Variants in EBF2 observed in about 807,000 individuals in gnomAD.
The protein encoded by EBF2 is transcription factor COE2.
EBF2 carries 21 observed loss-of-function variants against 72.8 expected under a neutral mutation model. The ratio of observed to expected loss-of-function variants is 0.29; its 90% CI spans 0.20 to 0.42. The LOEUF is 0.42. EBF2 is among the 10% of genes least tolerant of loss of function. The pLI, the probability that EBF2 is intolerant of heterozygous loss-of-function variation, is 1.00. For missense variants in EBF2, 637 were observed against 731.2 expected (o/e 0.87, Z 1.49); for synonymous variants, 299 against 274.2 (o/e 1.09, Z -0.89).
At chr8:25,933,359 C>G (rs1021559841) in intron 6 of EBF2, among the ~76,000 whole-genome samples, 6 of 152,152 alleles carry the variant, frequency 3.9e-5, no homozygotes, top group Admixed American at 3.3e-4. Flanking sequence ...ATTAATTAGA[C>G]ATGCTGCCAC....
At chr8:25,958,163 TGA>T (rs1803978968) in intron 6 of EBF2, among the ~76,000 whole-genome samples, 1 of 152,200 alleles carries the variant, frequency 6.6e-6, no homozygotes, top group African/African-American at 2.4e-5. Flanking sequence ...CTGCAGTTCC[TGA>T]GCAGATTCCA....
At chr8:25,932,007 C>G (rs181059927) in intron 6 of EBF2, among the ~76,000 whole-genome samples, 1 of 152,198 alleles carries the variant, frequency 6.6e-6, no homozygotes, top group Admixed American at 6.5e-5. Flanking sequence ...ATCTTGCTAG[C>G]AAGGCATTCT....
chr8:26,013,771 C>T (rs925922476), intron 6 of EBF2, among the ~76,000 whole-genome samples: 2 of 152,064 alleles, frequency 1.3e-5, no homozygotes, highest in East Asian at 1.9e-4. Context: ...AAAACCTTGT[C>T]GATATGAAAT....
chr8:26,004,130 G>A (rs1480382951), intron 6 of EBF2, among the ~76,000 whole-genome samples: 2 of 151,686 alleles, frequency 1.3e-5, no homozygotes, highest in Non-Finnish European at 2.9e-5. Flanking sequence ...AAAAAAAAAG[G>A]ATTAAAACTA....
chr8:25,870,855 A>G (rs925242496), intron 10 of EBF2, among the ~76,000 whole-genome samples: 2 of 152,142 alleles, frequency 1.3e-5, no homozygotes, highest in African/African-American at 4.8e-5. Flanking sequence ...GGCATAAACT[A>G]TGGGATACAT....
At chr8:25,940,484 T>C (rs1362503658) in intron 6 of EBF2, among the ~76,000 whole-genome samples, 1 of 152,122 alleles carries the variant, frequency 6.6e-6, no homozygotes, top group Non-Finnish European at 1.5e-5. Context: ...TCACTTAGTC[T>C]TAGTTATTTC....
At position 25,862,796 on chromosome 8, in the gene EBF2, T is replaced by C; in HGVS notation, c.1011A>G (p.Ala337=). The change falls in exon 11 of 16, where the codon GCA becomes GCG. Residue 337 remains alanine, a splice_region_variant and synonymous_variant. Transcript: ENST00000520164. ...KGAPGRFIYT[A]LNEPTIDYGF... is the part of the protein sequence containing the mutation. ...CATAGTCTATGGTGGGTTCATTTAA[T>C]GCTGAAAGAGAAAAGTCCTCTTTCT... 6.3e-7 allele frequency: 1 copy of C among 1,581,962 alleles called. No individual in the cohort carries two copies. The highest frequency in any genetic ancestry group is 8.6e-7 in the Non-Finnish European group (1 of 1,163,626).
chr8:26,014,017 A>G (rs1337118213), intron 6 of EBF2, among the ~76,000 whole-genome samples: 1 of 152,222 alleles, frequency 6.6e-6, no homozygotes, highest in Non-Finnish European at 1.5e-5. Context: ...GTCTGTTTCC[A>G]ACAATTATCA....
chr8:26,041,799 C>G (rs963086204), intron 2 of EBF2, among the ~76,000 whole-genome samples: 2 of 152,256 alleles, frequency 1.3e-5, no homozygotes, highest in East Asian at 3.9e-4. Flanking sequence ...CTTGGGTGTA[C>G]TTTTTAACTA....
chr8:25,950,238 C>T (rs1336609246), intron 6 of EBF2, among the ~76,000 whole-genome samples: 3 of 152,228 alleles, frequency 2.0e-5, no homozygotes, highest in African/African-American at 7.2e-5. Flanking sequence ...TTCTTTTAAG[C>T]TCTTTCAGCA....
At chr8:26,025,725 A>T (rs1175415490) in intron 6 of EBF2, among the ~76,000 whole-genome samples, 1 of 152,192 alleles carries the variant, frequency 6.6e-6, no homozygotes. Flanking sequence ...TCTTACCTGT[A>T]ATTCCCTGAA....
intron 15 of EBF2, among the ~76,000 whole-genome samples, chr8:25,848,786 C>T (rs1040936184): frequency 6.6e-6 from 1 of 152,178 alleles, no homozygotes; most frequent in African/African-American, 2.4e-5. Flanking sequence ...GGAAAGCCTG[C>T]ACCCCTCCTT....
chr8:25,905,413 A>G (rs1339010777), intron 7 of EBF2, among the ~76,000 whole-genome samples: 2 of 152,202 alleles, frequency 1.3e-5, no homozygotes, highest in Non-Finnish European at 2.9e-5. Context: ...CATTGTTTGT[A>G]ATAGCCAAAA....
intron 6 of EBF2, among the ~76,000 whole-genome samples, chr8:25,941,406 A>G (rs778886606): frequency 9.2e-5 from 14 of 152,050 alleles, no homozygotes; most frequent in Non-Finnish European, 4.4e-5. Flanking sequence ...GGGTTTTGCC[A>G]CGTTCGTCAG....
chr8:25,866,459 T>A lies in EBF2; in HGVS notation c.1010-3662A>T, dbSNP rs202025359. ...TATATATATAATATATATATATATA[T>A]AATATATAGGATATATAATATAAAA... On this transcript the variant is annotated intron_variant, in intron 10 of 15. Transcript: ENST00000520164. 5.2e-4 allele frequency among the ~76,000 whole-genome samples: 71 copies of A among 137,830 alleles called. 2 individuals carry two copies. In the South Asian group the frequency reaches 6.5e-3, roughly 13 times the overall value. 90.4% of individuals were successfully genotyped at this position (137,830 alleles called of 152,430 possible).
intron 6 of EBF2, chr8:26,032,878 C>G: frequency 1.8e-6 from 1 of 569,960 alleles, no homozygotes; most frequent in Non-Finnish European, 3.1e-6. Context: ...AAAGACTCCA[C>G]CACAGATTTA....
In EBF2 at chr8:26,040,016, G is replaced by T. The variant is rs754779702; in HGVS notation, c.482+12C>A. 3 of 1,613,114 alleles carry T rather than the reference G, an allele frequency of 1.9e-6. No individual in the cohort carries two copies. In the Admixed American group the frequency reaches 5.0e-5, roughly 27 times the overall value. ...GGCTCTCCAGGAAGGCCTGGGAAAA[G>T]GCGGCTCTTACCTACACATCACTTC... On this transcript the variant is annotated intron_variant, in intron 5 of 15. Transcript: ENST00000520164.
chr8:25,943,421 A>T (rs1218338986), intron 6 of EBF2, among the ~76,000 whole-genome samples: 6 of 152,050 alleles, frequency 3.9e-5, no homozygotes, highest in African/African-American at 1.4e-4. Flanking sequence ...GAGACAGGAG[A>T]ATCTCTTGAA....
intron 7 of EBF2, among the ~76,000 whole-genome samples, chr8:25,901,895 A>AT (rs1353685272): frequency 6.6e-6 from 1 of 152,138 alleles, no homozygotes; most frequent in East Asian, 1.9e-4. Context: ...CCACTCATTT[A>AT]TTTTTTATAT....
Sources: allele counts gnomAD v4.1 joint callset (sites outside exome capture counted in the v4.1 genomes callset), GRCh38; gene constraint gnomAD v4.1.1; transcripts MANE v1.5; gene names NCBI Gene and HGNC (gene_info 2026-07-23, HGNC 2026-07-21).